The following CHPT1 variants were observed in gnomAD, a reference collection of about 807,000 sequenced individuals.
CHPT1 encodes cholinephosphotransferase 1.
In CHPT1, 36 loss-of-function variants were observed where a neutral mutation model predicts 47.6. That is an observed-to-expected ratio of 0.76 (90% CI 0.58 to 1.00). CHPT1 has a LOEUF of 1.00. Ranked by LOEUF, CHPT1 falls within the 50% of genes least tolerant of loss-of-function variation. CHPT1 has a pLI of 0.00. For missense variants in CHPT1, 458 were observed against 498.1 expected (o/e 0.92, Z 0.77); for synonymous variants, 194 against 186.3 (o/e 1.04, Z -0.33).
In CHPT1 at chr12:101,704,220, C is replaced by T. The variant is rs567731250; in HGVS notation, c.273+6086C>T. Among the ~76,000 whole-genome samples, 10 of 151,628 alleles carry T rather than the reference C, an allele frequency of 6.6e-5. No homozygotes were observed. In the South Asian group the frequency reaches 1.5e-3, roughly 22 times the overall value. On this transcript the variant is annotated intron_variant, in intron 1 of 8. Transcript: ENST00000229266. The stretch of plus-strand genomic sequence containing the variant: ...TGTTTTTTTTCAGTATAAAAATTTA[C>T]GTAATGAACATTGTATAGTTCTAGT...
At chr12:101,727,688 C>T (rs1951994344) in intron 8 of CHPT1, 1 of 152,086 alleles carries the variant, frequency 6.6e-6, no homozygotes, top group South Asian at 2.1e-4. Context: ...CAAATAAGGA[C>T]TTTCTTACAA....
In CHPT1 at chr12:101,723,315, C is replaced by G. The variant is rs748397981; in HGVS notation, c.928C>G (p.Gln310Glu). ...MFGCVFAKVS[Q>E]KLVVAHMTKS... ...TGGATGTGTCTTTGCTAAAGTCTCA[C>G]AAAAATTAGTGGTAAGAAATTTTTA... The change falls in exon 6 of 9, where the codon CAA (glutamine) becomes GAA (glutamate). Residue 310 changes from glutamine (Q) to glutamate (E), a missense_variant. By Grantham distance (29) the Gln-to-Glu change is conservative. Transcript: ENST00000229266. 1.9e-6 allele frequency: 3 copies of G among 1,587,386 alleles called. No individual in the cohort carries two copies. The Admixed American group carries it at 5.5e-5, about 29-fold the overall frequency.
chr12:101,725,530 G>A (rs191896459), intron 7 of CHPT1, among the ~76,000 whole-genome samples: 28 of 151,708 alleles, frequency 1.8e-4, no homozygotes, highest in Admixed American at 2.0e-4. Flanking sequence ...ATCATCTGTC[G>A]TAACGAGTAA....
At position 101,720,274 on chromosome 12, in the gene CHPT1, ATT is replaced by A. The variant is rs1338785989; in HGVS notation, c.780+21_780+22del. The A allele has an allele frequency of 6.3e-7, 1 of 1,575,988 alleles. No individual in the cohort carries two copies. Among genetic ancestry groups the A allele is most frequent in the Non-Finnish European group, 8.6e-7 (1 of 1,161,606 alleles). ...ATAGCAGTAAGGCAATAATTTCATC[ATT>A]CAGTGTCAATTTTATGATACATTTT... is the stretch of plus-strand genomic sequence containing the variant. On this transcript the variant is annotated intron_variant, in intron 5 of 8. Coordinates refer to ENST00000229266, the MANE Select transcript of CHPT1 (RefSeq NM_020244.3).
chr12:101,720,335 C>T (rs1188977593), intron 5 of CHPT1, 81 bp downstream of exon 5: 8 of 1,220,000 alleles, frequency 6.6e-6, no homozygotes, highest in Non-Finnish European at 9.3e-6. Context: ...TAAAATATGC[C>T]AAAGTTCAAG....
chr12:101,707,031 A>G (rs1331913851), intron 1 of CHPT1, among the ~76,000 whole-genome samples: 1 of 152,212 alleles, frequency 6.6e-6, no homozygotes, highest in Non-Finnish European at 1.5e-5. Context: ...ATATATTTGC[A>G]AAGACTGCTT....
At chr12:101,704,493 C>T (rs1266594539) in intron 1 of CHPT1, among the ~76,000 whole-genome samples, 2 of 151,722 alleles carry the variant, frequency 1.3e-5, no homozygotes, top group African/African-American at 4.8e-5. Context: ...CCTCCGCCTC[C>T]TGGGTTCAAG....
At chr12:101,699,640 G>A (rs917863562) in intron 1 of CHPT1, among the ~76,000 whole-genome samples, 5 of 152,034 alleles carry the variant, frequency 3.3e-5, no homozygotes, top group South Asian at 4.2e-4. Flanking sequence ...CGCCTGCCTC[G>A]GCCTCCCAAA....
chr12:101,698,436 C>T (rs1216840287), intron 1 of CHPT1, among the ~76,000 whole-genome samples: 2 of 152,228 alleles, frequency 1.3e-5, no homozygotes, highest in African/African-American at 4.8e-5. Flanking sequence ...GGGCGCCTGC[C>T]CAGCCGCTAT....
At chr12:101,723,587 G>A in intron 6 of CHPT1, 135 bp from the exon 7 acceptor site, 1 of 642,346 alleles carries the variant, frequency 1.6e-6, no homozygotes, top group South Asian at 2.4e-5. Context: ...ATTTGAGAAG[G>A]TGTAGAAAAG....
chr12:101,698,244 G>C, intron 1 of CHPT1, 110 bp downstream of exon 1: 1 of 1,335,032 alleles, frequency 7.5e-7, no homozygotes, highest in Non-Finnish European at 9.5e-7. Flanking sequence ...CCCGGGCCCC[G>C]GAGGGGCGGA....
chr12:101,706,176 C>A (rs1202727841), intron 1 of CHPT1, among the ~76,000 whole-genome samples: 2 of 151,120 alleles, frequency 1.3e-5, no homozygotes, highest in Non-Finnish European at 2.9e-5. Flanking sequence ...ATGGTGAAAC[C>A]CCATCTCTAC....
At chr12:101,706,574 G>A (rs1951636933) in intron 1 of CHPT1, among the ~76,000 whole-genome samples, 1 of 152,172 alleles carries the variant, frequency 6.6e-6, no homozygotes, top group Non-Finnish European at 1.5e-5. Context: ...TGTCCAGTGA[G>A]TTCAGTGGAT....
chr12:101,719,156 G>GAAAAAA (rs779382436), intron 4 of CHPT1, among the ~76,000 whole-genome samples: 168 of 93,968 alleles, frequency 1.8e-3, no homozygotes, highest in African/African-American at 3.2e-3. Context: ...CTCGTCTCAA[G>GAAAAAA]AAAAAAAAAA....
intron 8 of CHPT1, chr12:101,727,475 T>TATG (rs1351986068): frequency 7.2e-6 from 1 of 138,740 alleles, no homozygotes; most frequent in East Asian, 2.2e-4. Context: ...CAACAGACCA[T>TATG]ATGTCATATG....
At chr12:101,728,121 G>C (rs973021941) in intron 8 of CHPT1, 1 of 152,358 alleles carries the variant, frequency 6.6e-6, no homozygotes, top group Admixed American at 6.5e-5. Flanking sequence ...GTGGTGGCAA[G>C]TGCCTGTAGT....
At chr12:101,721,545 A>G (rs1251593629) in intron 5 of CHPT1, among the ~76,000 whole-genome samples, 1 of 152,198 alleles carries the variant, frequency 6.6e-6, no homozygotes, top group East Asian at 1.9e-4. Flanking sequence ...TACACTTTAT[A>G]TACATAATTC....
intron 2 of CHPT1, 21 bp downstream of exon 2, chr12:101,714,258 ATTT>A (rs766969429): frequency 1.3e-6 from 2 of 1,538,742 alleles, no homozygotes; most frequent in East Asian, 4.6e-5. Flanking sequence ...GGAGTTTTTT[ATTT>A]TTTTATGATA....
intron 1 of CHPT1, among the ~76,000 whole-genome samples, chr12:101,706,281 C>T (rs1313592174): frequency 4.0e-5 from 6 of 150,610 alleles, no homozygotes; most frequent in Admixed American, 3.3e-4. Flanking sequence ...ACCTGGGAGG[C>T]GGAGGTTGCA....
Sources: gnomAD v4.1 joint callset for allele counts (sites outside exome capture counted in the v4.1 genomes callset) on GRCh38, gnomAD v4.1.1 for gene constraint, MANE v1.5 for transcripts, NCBI Gene and HGNC (gene_info 2026-07-23, HGNC 2026-07-21) for gene names.